The following MAP4 variants were observed in gnomAD, a reference collection of about 807,000 sequenced individuals.
MAP4 encodes microtubule associated protein 4, also known as microtubule-associated protein 4.
MAP4 carries 76 observed loss-of-function variants against 170.2 expected under a neutral mutation model. The ratio of observed to expected loss-of-function variants is 0.45; its 90% CI spans 0.37 to 0.54. MAP4 has a LOEUF of 0.54. Ranked by LOEUF, MAP4 falls within the 20% of genes least tolerant of loss-of-function variation. The pLI is 0.00. For synonymous variants in MAP4, 909 were observed against 994.5 expected, an observed-to-expected ratio of 0.91 and a Z score of 1.62; for missense variants, 2,506 against 2,748.0, an observed-to-expected ratio of 0.91 and a Z score of 1.97.
At chr3:47,955,435 TACACACACACACACACAC>T (rs3079351) in intron 3 of MAP4, among the ~76,000 whole-genome samples, 100 of 135,488 alleles carry the variant, frequency 7.4e-4, no homozygotes, top group Middle Eastern at 3.6e-3. Context: ...AATAAGCACG[TACACACACACACACACAC>T]ACACACACAC....
At chr3:48,000,134 G>C (rs1477783710) in intron 1 of MAP4, among the ~76,000 whole-genome samples, 1 of 145,650 alleles carries the variant, frequency 6.9e-6, no homozygotes, top group Non-Finnish European at 1.5e-5. Context: ...AGAATCGCTT[G>C]AACCCGGGAG....
intron 3 of MAP4, among the ~76,000 whole-genome samples, chr3:47,958,585 T>C (rs946156861): frequency 6.6e-6 from 1 of 152,080 alleles, no homozygotes; most frequent in South Asian, 2.1e-4. Context: ...GGTGCGATCT[T>C]GACTCACTGC....
chr3:48,011,798 A>G (rs1206824587), intron 1 of MAP4, among the ~76,000 whole-genome samples: 2 of 152,212 alleles, frequency 1.3e-5, no homozygotes, highest in Non-Finnish European at 2.9e-5. Flanking sequence ...TGCTTTTACT[A>G]TTCGGTTATG....
chr3:47,907,699 T>C (rs930019240), intron 9 of MAP4, among the ~76,000 whole-genome samples: 3 of 152,214 alleles, frequency 2.0e-5, no homozygotes, highest in African/African-American at 7.2e-5. Context: ...AGAAATTACA[T>C]GTTAACTTTT....
chr3:47,857,038 T>C (rs942630441), intron 18 of MAP4, among the ~76,000 whole-genome samples: 1 of 152,204 alleles, frequency 6.6e-6, no homozygotes, highest in South Asian at 2.1e-4. Flanking sequence ...GGAGCACCCT[T>C]TGCTCCTGCA....
chr3:48,071,284 G>A (rs1327789375), intron 1 of MAP4, among the ~76,000 whole-genome samples: 1 of 151,992 alleles, frequency 6.6e-6, no homozygotes, highest in Non-Finnish European at 1.5e-5. Context: ...GCTCACAGCT[G>A]TAATCCCAGA....
chr3:47,880,873 T>G (rs2096602549), intron 10 of MAP4, among the ~76,000 whole-genome samples: 2 of 152,244 alleles, frequency 1.3e-5, no homozygotes, highest in Admixed American at 1.3e-4. Context: ...CTGAGTGGAA[T>G]TTCTATCAAT....
chr3:47,930,530 T>C (rs140373586), intron 3 of MAP4, among the ~76,000 whole-genome samples: 24 of 151,230 alleles, frequency 1.6e-4, no homozygotes, highest in African/African-American at 5.6e-4. Flanking sequence ...AAAAGAGAAG[T>C]CATAGACTTC....
At chr3:48,070,886 ATGGTGGTGAGCGCC>A (rs1264160890) in intron 1 of MAP4, among the ~76,000 whole-genome samples, 1 of 150,918 alleles carries the variant, frequency 6.6e-6, no homozygotes, top group Non-Finnish European at 1.5e-5. Context: ...CCAGGTCCAT[ATGGTGGTGAGCGCC>A]TGTAGTCCTA....
At chr3:47,974,193 A>T in intron 3 of MAP4, 1 of 819,852 alleles carries the variant, frequency 1.2e-6, no homozygotes, top group Non-Finnish European at 1.5e-6. Context: ...TGGGTGGCCA[A>T]GGCGGGTGGA....
chr3:47,949,126 T>C (rs1435376159), intron 3 of MAP4, among the ~76,000 whole-genome samples: 1 of 152,128 alleles, frequency 6.6e-6, no homozygotes, highest in East Asian at 1.9e-4. Flanking sequence ...TAAGTACATA[T>C]ACTACGTGCC....
chr3:47,992,698 C>A (rs2100093066), intron 2 of MAP4, among the ~76,000 whole-genome samples: 1 of 151,938 alleles, frequency 6.6e-6, no homozygotes, highest in African/African-American at 2.4e-5. Flanking sequence ...ATCAAAATAA[C>A]TCATACTCCA....
At chr3:48,017,834 T>C (rs1366484419), upstream of MAP4, among the ~76,000 whole-genome samples, 5 of 152,198 alleles carry the variant, frequency 3.3e-5, no homozygotes, top group African/African-American at 1.2e-4. Flanking sequence ...GTCTGATCTA[T>C]ACTGTAGTTC....
At chr3:47,867,011 C>T (rs1379438400) in intron 17 of MAP4, among the ~76,000 whole-genome samples, 1 of 152,180 alleles carries the variant, frequency 6.6e-6, no homozygotes, top group African/African-American at 2.4e-5. Flanking sequence ...GCCTCCCACC[C>T]ATATGGGTAA....
chr3:47,935,138 G>A (rs952065726), intron 3 of MAP4, among the ~76,000 whole-genome samples: 6 of 152,180 alleles, frequency 3.9e-5, no homozygotes, highest in Non-Finnish European at 5.9e-5. Flanking sequence ...GGTTTATGTA[G>A]GACAAGTGTC....
chr3:48,019,369 G>T (rs2100109446), upstream of MAP4, among the ~76,000 whole-genome samples: 1 of 151,866 alleles, frequency 6.6e-6, no homozygotes, highest in African/African-American at 2.4e-5. Flanking sequence ...AAGAGAGAAA[G>T]ATATCAGCCA....
chr3:47,867,167 A>G, intron 17 of MAP4, 79 bp downstream of exon 17: 2 of 983,778 alleles, frequency 2.0e-6, no homozygotes, highest in South Asian at 2.8e-5. Flanking sequence ...TTCTATCTAC[A>G]TGGGCACCTG....
At chr3:48,044,831 C>T (rs147184728) in intron 1 of MAP4, among the ~76,000 whole-genome samples, 14,542 of 151,906 alleles carry the variant, frequency 0.096, 2,335 homozygotes, top group African/African-American at 0.33. Flanking sequence ...CACCTGTAAT[C>T]CCAGCTACTC....
intron 1 of MAP4, among the ~76,000 whole-genome samples, chr3:48,029,942 G>A (rs2100115094): frequency 6.7e-6 from 1 of 149,408 alleles, no homozygotes; most frequent in African/African-American, 2.5e-5. Context: ...AGGTTGCAGT[G>A]AGCCGAGATC....
Sources: allele counts gnomAD v4.1 joint callset (sites outside exome capture counted in the v4.1 genomes callset), GRCh38; gene constraint gnomAD v4.1.1; transcripts MANE v1.5; gene names NCBI Gene and HGNC (gene_info 2026-07-23, HGNC 2026-07-21).